The following CHD2 variants were observed in gnomAD, a reference collection of about 807,000 sequenced individuals.
The protein encoded by CHD2 is ATP-dependent chromatin remodeler CHD2.
Under a neutral mutation model 243.9 loss-of-function variants are expected in CHD2, and 28 were observed. That is an observed-to-expected ratio of 0.11 (90% CI 0.09 to 0.16). The LOEUF (loss-of-function observed/expected upper bound fraction) is 0.16, where lower values mean the gene tolerates loss of function less well. Ranked by LOEUF, CHD2 falls within the 10% of genes least tolerant of loss-of-function variation. The pLI is 1.00. For synonymous variants in CHD2, 775 were observed against 779.0 expected (o/e 0.99, Z 0.09); for missense variants, 1,386 against 2,209.8 (o/e 0.63, Z 7.47).
intron 14 of CHD2, among the ~76,000 whole-genome samples, chr15:92,954,656 A>G (rs1228209496): frequency 6.6e-6 from 1 of 152,258 alleles, no homozygotes; most frequent in East Asian, 1.9e-4. Flanking sequence ...AAAGCACTAC[A>G]TTCCAAAAAT....
intron 32 of CHD2, 63 bp from the exon 33 acceptor site, chr15:93,002,114 A>G: frequency 6.5e-7 from 1 of 1,537,976 alleles, no homozygotes; most frequent in Non-Finnish European, 8.7e-7. Flanking sequence ...TTCTTTTTCC[A>G]GAAAGTACAT....
chr15:92,908,270 A>AT (rs2052659086), intron 2 of CHD2, among the ~76,000 whole-genome samples: 1 of 152,156 alleles, frequency 6.6e-6, no homozygotes, highest in South Asian at 2.1e-4. Context: ...CAGCAGTAAT[A>AT]TTTACAACCA....
At position 92,997,123 on chromosome 15, in the gene CHD2, A is replaced by G. The variant is rs2054198519; in HGVS notation, c.3734+28A>G. 3.1e-6 allele frequency: 5 copies of G among 1,606,188 alleles called. No homozygotes were observed. In the East Asian group the frequency reaches 6.7e-5, roughly 21 times the overall value. ...GAGTATATTTTGTGTACATGCTTAG[A>G]TGGTCGTACCGTAAGAAAATAGATT... is the stretch of plus-strand genomic sequence containing the variant. On this transcript the variant is annotated intron_variant, in intron 29 of 38. Transcript: ENST00000394196. This position sits in a 1 kb window ranked among gnomAD's most constrained non-coding sequence, Gnocchi z 4.1.
chr15:92,941,316 G>T (rs566235245), intron 7 of CHD2, among the ~76,000 whole-genome samples: 8 of 151,914 alleles, frequency 5.3e-5, no homozygotes, highest in Non-Finnish European at 7.4e-5. Context: ...TTTAAACCAG[G>T]AAGTATTTGT....
intron 26 of CHD2, 128 bp from the exon 27 acceptor site, chr15:92,991,348 G>A (rs932855125): frequency 7.3e-6 from 4 of 548,126 alleles, no homozygotes; most frequent in African/African-American, 5.9e-5. Flanking sequence ...TTTTGGTAGT[G>A]CAAGGATTGA....
At chr15:92,991,638 A>G in intron 27 of CHD2, 121 bp downstream of exon 27, 1 of 633,744 alleles carries the variant, frequency 1.6e-6, no homozygotes, top group Non-Finnish European at 2.6e-6. Flanking sequence ...TTCTGGAAAC[A>G]TTTATTTACA....
At chr15:93,007,150 G>T (rs1214522412) in intron 34 of CHD2, among the ~76,000 whole-genome samples, 1 of 152,204 alleles carries the variant, frequency 6.6e-6, no homozygotes, top group African/African-American at 2.4e-5. Flanking sequence ...TGTAGAGATT[G>T]CATGAATTAT....
intron 13 of CHD2, among the ~76,000 whole-genome samples, chr15:92,950,212 A>C (rs2053534710): frequency 6.6e-6 from 1 of 152,256 alleles, no homozygotes; most frequent in African/African-American, 2.4e-5. Flanking sequence ...TAACAGCCAC[A>C]TAGGGCTTAA....
At chr15:93,011,042 C>T (rs1461862442) in intron 35 of CHD2, among the ~76,000 whole-genome samples, 3 of 151,510 alleles carry the variant, frequency 2.0e-5, no homozygotes, top group Non-Finnish European at 4.4e-5. Context: ...ACACTGTTAC[C>T]AACTTCTTTC....
chr15:92,946,449 G>A (rs559831776), intron 12 of CHD2: 58 of 348,276 alleles, frequency 1.7e-4, no homozygotes, highest in Non-Finnish European at 2.6e-4. Flanking sequence ...ATATTTGAGA[G>A]AATACTTGAA....
chr15:92,965,594 A>AAAAAAAAC (rs2053750711), intron 16 of CHD2, among the ~76,000 whole-genome samples: 2 of 138,344 alleles, frequency 1.4e-5, no homozygotes, highest in Non-Finnish European at 1.6e-5. Flanking sequence ...AAAAAAAAAA[A>AAAAAAAAC]ACCAACTCAG....
chr15:92,983,220 G>A (rs564188295), intron 24 of CHD2, among the ~76,000 whole-genome samples: 23 of 152,260 alleles, frequency 1.5e-4, no homozygotes, highest in African/African-American at 5.1e-4. Context: ...TTTCAGCTCA[G>A]TTCCACCTCT....
At chr15:92,946,255 AT>A in intron 12 of CHD2, 39 bp downstream of exon 12, 1 of 1,521,796 alleles carries the variant, frequency 6.6e-7, no homozygotes, top group Non-Finnish European at 9.0e-7. Context: ...CAGGGAGAAG[AT>A]ATACTGATAA....
chr15:92,933,902 G>A (rs1483792385), intron 5 of CHD2, among the ~76,000 whole-genome samples: 2 of 152,138 alleles, frequency 1.3e-5, no homozygotes, highest in African/African-American at 2.4e-5. Context: ...CACTGTGCCC[G>A]GCCCTTTTCC....
intron 5 of CHD2, among the ~76,000 whole-genome samples, chr15:92,931,699 A>G (rs1452053002): frequency 6.6e-6 from 1 of 152,156 alleles, no homozygotes; most frequent in Non-Finnish European, 1.5e-5. Flanking sequence ...ATATATACAA[A>G]CATAATGTTT....
intron 5 of CHD2, among the ~76,000 whole-genome samples, chr15:92,936,553 C>G (rs1465206248): frequency 6.6e-6 from 1 of 152,194 alleles, no homozygotes; most frequent in Non-Finnish European, 1.5e-5. Flanking sequence ...ATGGCTCTTT[C>G]AAGCCTTCTA....
chr15:93,020,385 C>A, intron 38 of CHD2, 127 bp downstream of exon 38: 2 of 1,178,002 alleles, frequency 1.7e-6, no homozygotes, highest in Non-Finnish European at 1.2e-6. Context: ...CATGTGTCAG[C>A]CACAGCGAAT....
In CHD2 at chr15:93,027,376, A is replaced by G. The variant is rs1157115399; in HGVS notation, c.*2671A>G. 6.6e-6 allele frequency: 1 copy of G among 152,246 alleles called. No individual in the cohort carries two copies. Among genetic ancestry groups the G allele is most frequent in the African/African-American group, 2.4e-5 (1 of 41,464 alleles). 9.4% of individuals were successfully genotyped at this position (152,246 alleles called of 1,614,324 possible). On this transcript the variant is annotated 3_prime_UTR_variant, in exon 39 of 39. Transcript: ENST00000394196. ...AACCTGCACGTGAACAAGGGTTGAC[A>G]TGATACACTATGGCCTTAGAAAAGG...
At chr15:92,989,222 G>C (rs1004929430) in intron 26 of CHD2, among the ~76,000 whole-genome samples, 4 of 151,974 alleles carry the variant, frequency 2.6e-5, no homozygotes, top group African/African-American at 9.7e-5. Context: ...AGTAGAGACA[G>C]GGTTTCACCA....
Sources: allele counts gnomAD v4.1 joint callset (sites outside exome capture counted in the v4.1 genomes callset), GRCh38; gene constraint gnomAD v4.1.1; non-coding constraint Gnocchi (gnomAD v3.1); transcripts MANE v1.5; gene names NCBI Gene and HGNC (gene_info 2026-07-23, HGNC 2026-07-21).